SP140: variants seen among roughly 807,000 people sequenced by gnomAD.
The protein encoded by SP140 is nuclear body protein SP140.
A neutral mutation model predicts 125.0 loss-of-function variants in SP140; 81 were observed. The observed-to-expected ratio is 0.65, with a 90% CI of 0.54 to 0.78. The LOEUF (loss-of-function observed/expected upper bound fraction) is 0.78. SP140 is among the 30% of genes least tolerant of loss of function. The probability of loss-of-function intolerance (pLI) is 0.00; values close to 1 mark genes in which losing one functional copy is unlikely to be tolerated. For missense variants in SP140, 858 were observed against 1,037.0 expected (o/e 0.83, Z 2.37); for synonymous variants, 312 against 354.0 (o/e 0.88, Z 1.33).
At position 230,212,893 on chromosome 2, in the gene SP140, G is replaced by A. The variant is rs146515106; in HGVS notation, c.-322-761G>A. ...GGCTCACTGACTCTTGGCGCACAGGGTGAACAGCTTGGTTGAGGGGGTTGT... is the reference window on the plus strand; with the variant it reads ...GGCTCACTGACTCTTGGCGCACAGGATGAACAGCTTGGTTGAGGGGGTTGT... On this transcript the variant is annotated intron_variant, in intron 1 of 4. Transcript: ENST00000456542. The A allele has an allele frequency of 3.4e-4, 541 of 1,614,010 alleles. 1 individual carries two copies. Among genetic ancestry groups the A allele is most frequent in the Non-Finnish European group, 1.8e-4 (210 of 1,180,026 alleles).
chr2:230,233,742 G>A (rs1280730511), intron 1 of SP140, among the ~76,000 whole-genome samples: 1 of 152,174 alleles, frequency 6.6e-6, no homozygotes, highest in East Asian at 1.9e-4. Context: ...CAGAGGATTA[G>A]CATTGCTTTA....
chr2:230,278,964 T>C (rs993244326), intron 15 of SP140, among the ~76,000 whole-genome samples: 1 of 152,106 alleles, frequency 6.6e-6, no homozygotes, highest in African/African-American at 2.4e-5. Flanking sequence ...CAAAAAACTG[T>C]TGGAACTAAC....
chr2:230,217,617 AC>A (rs1206634136), intron 3 of SP140, among the ~76,000 whole-genome samples: 1 of 152,182 alleles, frequency 6.6e-6, no homozygotes, highest in East Asian at 1.9e-4. Context: ...CTATGACTGC[AC>A]CTGTTTATAC....
chr2:230,284,515 C>T (rs2056098286), intron 16 of SP140, 104 bp downstream of exon 16: 1 of 903,704 alleles, frequency 1.1e-6, no homozygotes, highest in Non-Finnish European at 1.6e-6. Context: ...TTCTATACCT[C>T]CTGTATCCAT....
chr2:230,200,481 G>A (rs542003524), upstream of SP140: 2 of 198,234 alleles, frequency 1.0e-5, no homozygotes, highest in South Asian at 1.6e-4. Context: ...GAGAAATATG[G>A]AGATTGGAAT....
intron 10 of SP140, among the ~76,000 whole-genome samples, chr2:230,252,431 G>A (rs897969094): frequency 2.6e-5 from 4 of 152,028 alleles, no homozygotes; most frequent in Non-Finnish European, 5.9e-5. Flanking sequence ...GGATGCAAGA[G>A]GGAAATGAGG....
At chr2:230,242,800 C>T (rs552483427) in intron 4 of SP140, among the ~76,000 whole-genome samples, 7 of 152,050 alleles carry the variant, frequency 4.6e-5, no homozygotes, top group Non-Finnish European at 1.0e-4. Context: ...TTCAGGTTGC[C>T]CCTGGCCTGT....
intron 12 of SP140, among the ~76,000 whole-genome samples, chr2:230,257,832 A>G (rs757035219): frequency 6.6e-6 from 1 of 152,090 alleles, no homozygotes; most frequent in Non-Finnish European, 1.5e-5. Flanking sequence ...TTTATTGTTC[A>G]GTTAAGGGAT....
chr2:230,272,941 T>C (rs568366939), intron 15 of SP140, among the ~76,000 whole-genome samples: 1 of 152,106 alleles, frequency 6.6e-6, no homozygotes, highest in Admixed American at 6.6e-5. Context: ...ACAAAAATTA[T>C]CTCAAGACAG....
chr2:230,224,503 G>C (rs2046097001), upstream of SP140, among the ~76,000 whole-genome samples: 1 of 150,748 alleles, frequency 6.6e-6, no homozygotes, highest in South Asian at 2.1e-4. Context: ...GGGAGACAGA[G>C]GAGAGAGAGG....
At chr2:230,283,508 A>G (rs1348401646) in intron 15 of SP140, among the ~76,000 whole-genome samples, 1 of 152,208 alleles carries the variant, frequency 6.6e-6, no homozygotes, top group East Asian at 1.9e-4. Context: ...CCTAGGAATG[A>G]CCAGGGTCAC....
rs2148926458 is a variant in SP140, at chr2:230,212,908, G to A, written c.-322-746G>A. 1 of 1,614,128 alleles carries A rather than the reference G, an allele frequency of 6.2e-7. No homozygotes were observed. On this transcript the variant is annotated intron_variant, in intron 1 of 4. Transcript: ENST00000456542. ...GGCGCACAGGGTGAACAGCTTGGTT[G>A]AGGGGGTTGTGGTGGGGGCAGCGCC...
At chr2:230,192,070 G>T in the SP140 span, among the ~76,000 whole-genome samples, 1 of 152,134 alleles carries the variant, frequency 6.6e-6, no homozygotes, top group East Asian at 1.9e-4. Context: ...AAAGGCCTTT[G>T]ATAAAATTCT....
chr2:230,294,214 A>C (rs2057435351), intron 20 of SP140, 57 bp from the exon 21 acceptor site: 2 of 1,443,992 alleles, frequency 1.4e-6, no homozygotes, highest in East Asian at 4.5e-5. Flanking sequence ...TGGAAATGCC[A>C]GACTCACAAA....
intron 15 of SP140, among the ~76,000 whole-genome samples, chr2:230,273,537 G>A (rs1039206319): frequency 3.3e-5 from 5 of 152,144 alleles, no homozygotes; most frequent in African/African-American, 4.8e-5. Flanking sequence ...AGACAGTGTG[G>A]CAATTCCTCA....
intron 22 of SP140, 137 bp from the exon 23 acceptor site, chr2:230,309,787 T>C (rs2059160110): frequency 1.3e-6 from 1 of 795,880 alleles, no homozygotes; most frequent in African/African-American, 1.7e-5. Context: ...ATGCCATGTT[T>C]TTCCTTCATA....
the SP140 span, among the ~76,000 whole-genome samples, chr2:230,188,157 T>C: frequency 5.3e-5 from 8 of 152,246 alleles, no homozygotes; most frequent in African/African-American, 1.9e-4. Flanking sequence ...TCATCTATGA[T>C]TTCTTTCAGC....
chr2:230,239,480 C>T (rs2048418661), intron 3 of SP140, among the ~76,000 whole-genome samples: 2 of 152,126 alleles, frequency 1.3e-5, no homozygotes. Flanking sequence ...ATGGAGTTCA[C>T]TCTGTCACCC....
chr2:230,212,293 T>G, intron 1 of SP140: 1 of 1,324,880 alleles, frequency 7.5e-7, no homozygotes, highest in East Asian at 2.3e-5. Context: ...CAGACGCATG[T>G]TCTCCCTTCA....
Sources: allele counts gnomAD v4.1 joint callset (sites outside exome capture counted in the v4.1 genomes callset), GRCh38; gene constraint gnomAD v4.1.1; transcripts MANE v1.5; gene names NCBI Gene and HGNC (gene_info 2026-07-23, HGNC 2026-07-21).